Variants in C12orf42 observed in about 807,000 individuals in gnomAD.
C12orf42 encodes chromosome 12 open reading frame 42.
A neutral mutation model predicts 21.6 loss-of-function variants in C12orf42; 25 were observed. The observed-to-expected ratio is 1.16, with a 90% confidence interval of 0.84 to 1.62. The LOEUF (loss-of-function observed/expected upper bound fraction) is 1.62, where lower values mean the gene tolerates loss of function less well. Ranked by LOEUF, C12orf42 falls within the 40% of genes most tolerant of loss-of-function variation. The probability of loss-of-function intolerance (pLI) is 0.00; values close to 1 mark genes in which losing one functional copy is unlikely to be tolerated. For synonymous variants in C12orf42, 174 were observed against 175.0 expected (o/e 0.99, Z 0.05); for missense variants, 483 against 459.3 (o/e 1.05, Z -0.47).
chr12:103,205,633 G>A, the C12orf42 span, among the ~76,000 whole-genome samples: 1 of 148,222 alleles, frequency 6.7e-6, no homozygotes, highest in South Asian at 2.2e-4. Flanking sequence ...TTATCTACCT[G>A]AGACACACAC....
At chr12:103,191,808 TA>T in the C12orf42 span, among the ~76,000 whole-genome samples, 1 of 149,294 alleles carries the variant, frequency 6.7e-6, no homozygotes, top group South Asian at 2.2e-4. Context: ...AATTGGTTAA[TA>T]AATGGATATA....
the C12orf42 span, chr12:103,559,077 A>AGT: frequency 1.8e-4 from 28 of 152,342 alleles, no homozygotes; most frequent in African/African-American, 6.5e-4. Context: ...GCCTGATAAG[A>AGT]GTGTGTCTTT....
intron 4 of C12orf42, among the ~76,000 whole-genome samples, chr12:103,285,877 C>T (rs1386492042): frequency 7.2e-5 from 11 of 152,072 alleles, no homozygotes; most frequent in Admixed American, 1.3e-4. Flanking sequence ...TTTTTGTCTG[C>T]GTAATGCTGA....
rs1184014311 is a variant in C12orf42 at position 103,368,966 on chromosome 12, G to T, written c.180C>A (p.Pro60=). 3.1e-6 allele frequency: 5 copies of T among 1,598,540 alleles called. No individual in the cohort carries two copies. The highest frequency in any genetic ancestry group is 4.3e-6 in the Non-Finnish European group (5 of 1,170,926). Reference sequence around the variant, plus strand: ...TCATGTGATTAATGAATCTGGAGCAGGGTACTGAAGTTCTTTCATAACAAG... The same window carrying T: ...TCATGTGATTAATGAATCTGGAGCATGGTACTGAAGTTCTTTCATAACAAG... ...HIPCYERTSV[P]CSRFINHMKN... The change falls in exon 4 of 6, where the codon CCC becomes CCA. Residue 60 remains proline (P), a synonymous_variant. Coordinates refer to ENST00000548883, the MANE Select transcript of C12orf42 (RefSeq NM_198521.5).
the C12orf42 span, among the ~76,000 whole-genome samples, chr12:103,229,661 C>A: frequency 3.0e-3 from 456 of 152,252 alleles, 2 homozygotes; most frequent in African/African-American, 0.011. Flanking sequence ...TTTTTATTTT[C>A]CATCCAGACT....
intron 10 of C12orf42, among the ~76,000 whole-genome samples, chr12:103,250,233 A>G (rs1593208367): frequency 6.6e-6 from 1 of 152,096 alleles, no homozygotes; most frequent in South Asian, 2.1e-4. Context: ...TGCTTCAGGA[A>G]TGCCTTAATT....
At chr12:103,060,930 A>G in the C12orf42 span, among the ~76,000 whole-genome samples, 1 of 152,244 alleles carries the variant, frequency 6.6e-6, no homozygotes, top group Non-Finnish European at 1.5e-5. Context: ...CTTCATGACT[A>G]AAACACCAAA....
chr12:103,139,267 A>T, the C12orf42 span, among the ~76,000 whole-genome samples: 1 of 152,174 alleles, frequency 6.6e-6, no homozygotes, highest in Non-Finnish European at 1.5e-5. Flanking sequence ...TTGTTATTGG[A>T]TACTATTTTC....
At chr12:103,317,733 T>C (rs1039346268) in intron 4 of C12orf42, among the ~76,000 whole-genome samples, 30 of 152,196 alleles carry the variant, frequency 2.0e-4, no homozygotes, top group Middle Eastern at 3.2e-3. Context: ...TTTTCTTTAA[T>C]GAACTTCATT....
intron 4 of C12orf42, among the ~76,000 whole-genome samples, chr12:103,281,906 G>GA (rs1007989288): frequency 9.8e-6 from 1 of 102,264 alleles, no homozygotes; most frequent in Non-Finnish European, 2.0e-5. Flanking sequence ...AGAAAGAAAA[G>GA]AAGAAAGAAA....
At chr12:103,122,900 G>C in the C12orf42 span, among the ~76,000 whole-genome samples, 3 of 152,146 alleles carry the variant, frequency 2.0e-5, no homozygotes, top group African/African-American at 7.2e-5. Flanking sequence ...TGGCTGTGTT[G>C]AGGATATATG....
At chr12:103,088,128 A>G in the C12orf42 span, among the ~76,000 whole-genome samples, 2 of 152,228 alleles carry the variant, frequency 1.3e-5, no homozygotes, top group Non-Finnish European at 2.9e-5. Flanking sequence ...AATTTTTCCT[A>G]AAGATAAAAA....
chr12:103,069,511 A>G, the C12orf42 span, among the ~76,000 whole-genome samples: 92 of 152,312 alleles, frequency 6.0e-4, no homozygotes, highest in African/African-American at 2.1e-3. Context: ...TAGTTATAAG[A>G]AAGTGTTAAA....
chr12:103,526,216 C>T, the C12orf42 span, among the ~76,000 whole-genome samples: 1 of 152,126 alleles, frequency 6.6e-6, no homozygotes, highest in East Asian at 1.9e-4. Context: ...AAAATTACCA[C>T]ATTAACTTTG....
chr12:103,305,957 C>A lies in C12orf42; in HGVS notation c.631+17G>T, dbSNP rs781216290. On this transcript the variant is annotated intron_variant, in intron 5 of 5. Transcript: ENST00000548883. ...AGTTGAAACAAGAAGAGTCAGTAAC[C>A]ACAACATGATACTTACCAGAATTTT... is the stretch of plus-strand genomic sequence containing the variant. 9.5e-6 allele frequency: 15 copies of A among 1,581,700 alleles called. No individual in the cohort carries two copies. Among genetic ancestry groups the A allele is most frequent in the African/African-American group, 1.4e-5 (1 of 73,946 alleles).
the C12orf42 span, among the ~76,000 whole-genome samples, chr12:103,227,544 G>A: frequency 1.3e-5 from 2 of 152,210 alleles, no homozygotes; most frequent in East Asian, 1.9e-4. Context: ...TTGCCGCTAA[G>A]GGTGAAGGAG....
chr12:103,508,489 C>T, the C12orf42 span, among the ~76,000 whole-genome samples: 1 of 152,104 alleles, frequency 6.6e-6, no homozygotes, highest in Admixed American at 6.6e-5. Flanking sequence ...TTTGAATACC[C>T]ATAACCAATA....
chr12:103,412,423 C>A (rs2048926968), intron 2 of C12orf42, among the ~76,000 whole-genome samples: 1 of 152,192 alleles, frequency 6.6e-6, no homozygotes, highest in Admixed American at 6.5e-5. Context: ...AATCCCAGCA[C>A]TTTGGGAGGC....
intron 4 of C12orf42, among the ~76,000 whole-genome samples, chr12:103,367,643 A>G (rs1705458457): frequency 1.3e-5 from 2 of 151,914 alleles, no homozygotes; most frequent in Admixed American, 6.6e-5. Context: ...ATTCTCAAGA[A>G]AACAGTAAAA....
Sources: allele counts gnomAD v4.1 joint callset (sites outside exome capture counted in the v4.1 genomes callset), GRCh38; gene constraint gnomAD v4.1.1; transcripts MANE v1.5; gene names NCBI Gene and HGNC (gene_info 2026-07-23, HGNC 2026-07-21).